Variants in SORBS2 observed in about 807,000 individuals in gnomAD.
SORBS2 encodes sorbin and SH3 domain-containing protein 2.
In SORBS2, 46 loss-of-function variants were observed where a neutral mutation model predicts 97.7. The ratio of observed to expected loss-of-function variants is 0.47; its 90% CI spans 0.37 to 0.60. The LOEUF (loss-of-function observed/expected upper bound fraction) is 0.60, where lower values mean the gene tolerates loss of function less well. Among genes scored for constraint, SORBS2 ranks in the 20% least tolerant of loss-of-function variants. The pLI, the probability that SORBS2 is intolerant of heterozygous loss-of-function variation, is 0.00. For synonymous variants in SORBS2, 476 were observed against 473.4 expected (o/e 1.01, Z -0.07); for missense variants, 1,316 against 1,282.3 (o/e 1.03, Z -0.40).
intron 2 of SORBS2, among the ~76,000 whole-genome samples, chr4:185,734,999 A>T (rs1279068454): frequency 6.6e-6 from 1 of 152,198 alleles, no homozygotes; most frequent in Non-Finnish European, 1.5e-5. Context: ...GCAGCAGCTT[A>T]TCTGACCATT....
chr4:185,823,074 C>T (rs769452069), intron 1 of SORBS2, among the ~76,000 whole-genome samples: 1 of 152,172 alleles, frequency 6.6e-6, no homozygotes, highest in Non-Finnish European at 1.5e-5. Flanking sequence ...TGCCGTTTTA[C>T]GGAGTGTCAG....
intron 1 of SORBS2, among the ~76,000 whole-genome samples, chr4:185,848,590 G>T (rs1245075895): frequency 7.2e-6 from 1 of 138,884 alleles, no homozygotes; most frequent in African/African-American, 2.8e-5. Context: ...TTAAGTCCAG[G>T]TTTTAAATGT....
Position 185,598,836 on chromosome 4 carries a change from C to T in SORBS2, c.2797-4901G>A, listed in dbSNP as rs573486352. Reference sequence around the variant, plus strand: ...AATATTTATGGTTCACACAAACACACGTGTAATCTGACATACAAATACATA... The same window carrying T: ...AATATTTATGGTTCACACAAACACATGTGTAATCTGACATACAAATACATA... On this transcript the variant is annotated intron_variant, in intron 12 of 14. Coordinates refer to ENST00000418609, the Ensembl canonical transcript of SORBS2. 7.4e-4 allele frequency among the ~76,000 whole-genome samples: 113 copies of T among 151,794 alleles called. 1 individual carries two copies. Among genetic ancestry groups the T allele is most frequent in the African/African-American group, 2.5e-3 (103 of 41,372 alleles).
intron 2 of SORBS2, among the ~76,000 whole-genome samples, chr4:185,698,415 G>A (rs992459546): frequency 5.9e-5 from 9 of 152,120 alleles, no homozygotes; most frequent in African/African-American, 2.2e-4. Context: ...GGTGGAGGTT[G>A]CAGTGAGTCG....
chr4:185,896,323 C>T (rs1561278081), intron 1 of SORBS2, among the ~76,000 whole-genome samples: 1 of 152,202 alleles, frequency 6.6e-6, no homozygotes, highest in Non-Finnish European at 1.5e-5. Flanking sequence ...ATGGCTGACG[C>T]CTGTAATGCC....
chr4:185,809,707 T>C (rs955326641), intron 1 of SORBS2, among the ~76,000 whole-genome samples: 1 of 152,158 alleles, frequency 6.6e-6, no homozygotes, highest in African/African-American at 2.4e-5. Flanking sequence ...GTATAGCATG[T>C]CATCTTAAAA....
chr4:185,614,871 T>C (rs2096604419), exon 11 of SORBS2: 4 of 1,614,058 alleles, frequency 2.5e-6, no homozygotes, highest in African/African-American at 2.7e-5. Flanking sequence ...TGCGTTGAAG[T>C]TGTATTTGGC....
At chr4:185,910,017 A>G (rs1477066411) in intron 1 of SORBS2, among the ~76,000 whole-genome samples, 1 of 150,870 alleles carries the variant, frequency 6.6e-6, no homozygotes, top group Non-Finnish European at 1.5e-5. Flanking sequence ...AAAGAAATAT[A>G]TTCCCTTCAA....
chr4:185,827,872 A>G (rs2099202575), intron 1 of SORBS2, among the ~76,000 whole-genome samples: 1 of 147,972 alleles, frequency 6.8e-6, no homozygotes. Context: ...CATCATCATC[A>G]TCGTCACCAT....
chr4:185,729,346 G>A lies in SORBS2; in HGVS notation c.-198+45881C>T, dbSNP rs538935945. On this transcript the variant is annotated intron_variant, in intron 2 of 20. Coordinates refer to the SORBS2 transcript ENST00000284776. ...TTCTGGGCCCGCTCAGCAAATCCCC[G>A]GTTTCAGAGGACTGCCCTGTAAGGA... is the stretch of plus-strand genomic sequence containing the variant. Among the ~76,000 whole-genome samples, 50 of 152,196 alleles carry A rather than the reference G, an allele frequency of 3.3e-4. No homozygotes were observed. The South Asian group carries it at 4.6e-3, about 14-fold the overall frequency.
At chr4:185,615,350 A>G in intron 9 of SORBS2, 191 bp from the exon 22 acceptor site, 1 of 575,980 alleles carries the variant, frequency 1.7e-6, no homozygotes. Flanking sequence ...TTATAACTTT[A>G]GAAATGATTT....
chr4:185,669,344 C>T (rs78378729), intron 4 of SORBS2, among the ~76,000 whole-genome samples: 38,375 of 152,110 alleles, frequency 0.25, 4,994 homozygotes, highest in Admixed American at 0.28. Flanking sequence ...GACCCATATC[C>T]TTTGCCTTGA....
intron 2 of SORBS2, among the ~76,000 whole-genome samples, chr4:185,701,169 T>C (rs868001943): frequency 5.3e-5 from 8 of 152,144 alleles, no homozygotes; most frequent in African/African-American, 1.7e-4. Context: ...TCTACAGAAA[T>C]AAACTCTCAA....
intron 1 of SORBS2, among the ~76,000 whole-genome samples, chr4:185,787,517 CCTCT>C (rs930178222): frequency 1.3e-5 from 2 of 152,136 alleles, no homozygotes; most frequent in Admixed American, 1.3e-4. Flanking sequence ...TTCTATATAG[CCTCT>C]CTATTTTTTA....
intron 5 of SORBS2, among the ~76,000 whole-genome samples, chr4:185,628,255 T>C (rs117393442): frequency 0.012 from 1,888 of 152,142 alleles, 62 homozygotes; most frequent in Admixed American, 0.078. Context: ...TTGTATCTTG[T>C]ATCTTTTCTC....
chr4:185,770,455 T>G (rs2098963726), intron 2 of SORBS2, among the ~76,000 whole-genome samples: 2 of 152,208 alleles, frequency 1.3e-5, no homozygotes, highest in African/African-American at 4.8e-5. Context: ...ACGTTGCAGA[T>G]TTTGGAACAT....
intron 2 of SORBS2, among the ~76,000 whole-genome samples, chr4:185,650,165 G>A (rs545483845): frequency 1.3e-5 from 2 of 152,266 alleles, no homozygotes; most frequent in South Asian, 4.1e-4. Flanking sequence ...GGAAACATGA[G>A]TCCTCAATAT....
At chr4:185,877,704 TA>T (rs920152826) in intron 1 of SORBS2, among the ~76,000 whole-genome samples, 3 of 150,944 alleles carry the variant, frequency 2.0e-5, no homozygotes, top group Admixed American at 6.6e-5. Flanking sequence ...CCGTCTGTAC[TA>T]AAAAAAATAC....
At chr4:185,921,591 A>C (rs1352932741) in intron 1 of SORBS2, among the ~76,000 whole-genome samples, 1 of 152,212 alleles carries the variant, frequency 6.6e-6, no homozygotes, top group Non-Finnish European at 1.5e-5. Context: ...GGCTGATACA[A>C]CAAGACCCTG....
Sources: gnomAD v4.1 joint callset for allele counts (sites outside exome capture counted in the v4.1 genomes callset) on GRCh38, gnomAD v4.1.1 for gene constraint, MANE v1.5 for transcripts, NCBI Gene and HGNC (gene_info 2026-07-23, HGNC 2026-07-21) for gene names.